The following KAZN variants were observed in gnomAD, a reference collection of about 807,000 sequenced individuals.
KAZN encodes kazrin.
In KAZN, 40 loss-of-function variants were observed where a neutral mutation model predicts 87.4. The ratio of observed to expected loss-of-function variants is 0.46; its 90% confidence interval spans 0.36 to 0.60. The LOEUF (loss-of-function observed/expected upper bound fraction) is 0.60. KAZN is among the 20% of genes least tolerant of loss of function. KAZN has a pLI of 0.00. For synonymous variants in KAZN, 466 were observed against 458.3 expected, an observed-to-expected ratio of 1.02 and a Z score of -0.22; for missense variants, 898 against 1,073.9, an observed-to-expected ratio of 0.84 and a Z score of 2.29.
chr1:14,616,590 C>T (rs961884713), intron 1 of KAZN, among the ~76,000 whole-genome samples: 1 of 152,116 alleles, frequency 6.6e-6, no homozygotes, highest in African/African-American at 2.4e-5. Context: ...CATAAATCAG[C>T]GTCAGCGAAG....
chr1:14,275,066 T>C (rs1652244459), intron 2 of KAZN, among the ~76,000 whole-genome samples: 1 of 152,172 alleles, frequency 6.6e-6, no homozygotes, highest in Admixed American at 6.5e-5. Flanking sequence ...TTTTAAAGAA[T>C]GATTTTTAAA....
rs372049558 is a variant in KAZN, at chr1:15,116,390, G to T, written c.*1755G>T. The T allele has an allele frequency of 5.9e-5, 9 of 152,304 alleles. No individual in the cohort carries two copies. In the East Asian group the frequency reaches 1.3e-3, roughly 23 times the overall value. The allele number at this position is 152,304 out of a possible 1,614,324, so 9.4% of individuals were successfully genotyped here. A position where few individuals can be genotyped will look rare whatever the true frequency, so the allele number is the denominator to read the frequency against. On this transcript the variant is annotated 3_prime_UTR_variant, in exon 15 of 15. Coordinates refer to ENST00000376030, the MANE Select transcript of KAZN (RefSeq NM_201628.3). ...TGTTCCCCCTAATGACATAAACGCA[G>T]CCTTTCTTGCTGTCTGAGACCAAAT... is the stretch of plus-strand genomic sequence containing the variant.
chr1:14,365,294 G>A lies in KAZN; in HGVS notation c.249+184702G>A, dbSNP rs537458292. ...AATCTCCTGACCTCATGATCCGCCC[G>A]CCTCGGCCTCCTAAAGTGCTGGGAT... On this transcript the variant is annotated intron_variant, in intron 2 of 16. Coordinates refer to the KAZN transcript ENST00000636203. Among the ~76,000 whole-genome samples, 25 of 150,612 alleles carry A rather than the reference G, an allele frequency of 1.7e-4. No homozygotes were observed. The South Asian group carries it at 3.2e-3, about 19-fold the overall frequency.
chr1:15,056,058 G>T lies in KAZN; in HGVS notation c.727-33G>T, dbSNP rs1368455380. On this transcript the variant is annotated intron_variant, in intron 4 of 14. Coordinates refer to ENST00000376030, the MANE Select transcript of KAZN (RefSeq NM_201628.3). This position sits in a 1 kb window ranked among gnomAD's most constrained non-coding sequence, Gnocchi z 5.4. ...CTGGCCAAGAGTTCCCCTTGATCAT[G>T]ACTTCTTCTTCCTGTCTTCTTGCTC... is the stretch of plus-strand genomic sequence containing the variant. 1.3e-6 allele frequency: 2 copies of T among 1,576,666 alleles called. No homozygotes were observed. The highest frequency in any genetic ancestry group is 2.3e-5 in the East Asian group (1 of 44,108).
At chr1:14,751,995 C>T (rs188885956) in intron 1 of KAZN, among the ~76,000 whole-genome samples, 4 of 152,280 alleles carry the variant, frequency 2.6e-5, no homozygotes, top group East Asian at 3.9e-4. Context: ...ATGGTGCCAG[C>T]GCTTGCTTCT....
chr1:14,514,389 A>ATATATAT (rs1418412471), intron 2 of KAZN, among the ~76,000 whole-genome samples: 305 of 14,480 alleles, frequency 0.021, 66 homozygotes, highest in African/African-American at 0.087. Context: ...TATATATATT[A>ATATATAT]TATATATTTA....
intron 2 of KAZN, among the ~76,000 whole-genome samples, chr1:14,407,947 GCTA>G (rs1361863123): frequency 2.6e-5 from 4 of 152,022 alleles, no homozygotes; most frequent in Non-Finnish European, 5.9e-5. Context: ...GGTTCTTTAT[GCTA>G]CTTTTATTTA....
intron 2 of KAZN, among the ~76,000 whole-genome samples, chr1:14,412,636 G>A (rs1664399382): frequency 6.6e-6 from 1 of 152,014 alleles, no homozygotes. Context: ...CTAGAGAAAG[G>A]AAGGGCTGGG....
intron 2 of KAZN, among the ~76,000 whole-genome samples, chr1:15,032,245 T>A (rs1671804548): frequency 7.1e-6 from 1 of 141,144 alleles, no homozygotes; most frequent in African/African-American, 2.7e-5. Flanking sequence ...CAGGCTGGAG[T>A]GCAGTGGCGC....
chr1:14,388,090 G>C (rs1449363335), intron 2 of KAZN, among the ~76,000 whole-genome samples: 1 of 152,174 alleles, frequency 6.6e-6, no homozygotes, highest in African/African-American at 2.4e-5. Context: ...GGTGCCGTCT[G>C]TCACCCCTTT....
chr1:14,607,878 A>T (rs1390526094), intron 1 of KAZN, among the ~76,000 whole-genome samples: 3 of 152,220 alleles, frequency 2.0e-5, no homozygotes, highest in African/African-American at 7.2e-5. Flanking sequence ...CAATAAGAGC[A>T]ATAGCCAGTG....
At chr1:14,755,286 G>A (rs566327740) in intron 1 of KAZN, among the ~76,000 whole-genome samples, 134 of 151,966 alleles carry the variant, frequency 8.8e-4, no homozygotes, top group African/African-American at 3.0e-3. Flanking sequence ...GCCTTGCAAG[G>A]TACTATTGCC....
intron 1 of KAZN, among the ~76,000 whole-genome samples, chr1:14,028,164 T>C (rs1056429598): frequency 6.0e-5 from 9 of 150,204 alleles, no homozygotes; most frequent in South Asian, 2.1e-4. Context: ...CTTCAAGCTT[T>C]GGGGTGCAGC....
chr1:14,235,215 T>C (rs1165533696), intron 2 of KAZN, among the ~76,000 whole-genome samples: 1 of 152,206 alleles, frequency 6.6e-6, no homozygotes, highest in Non-Finnish European at 1.5e-5. Flanking sequence ...CAAAATGTGG[T>C]ATAACCACAC....
chr1:15,102,214 A>C (rs1641098054), intron 11 of KAZN, among the ~76,000 whole-genome samples: 1 of 152,192 alleles, frequency 6.6e-6, no homozygotes. Context: ...CACAAAAATT[A>C]AAATAAAAAT....
At chr1:14,777,288 G>A (rs982312683) in intron 1 of KAZN, among the ~76,000 whole-genome samples, 12 of 152,068 alleles carry the variant, frequency 7.9e-5, no homozygotes, top group Admixed American at 5.9e-4. Context: ...GAGCCACCAC[G>A]CCCAGCCCTG....
chr1:14,302,984 C>T (rs1050581784), intron 2 of KAZN, among the ~76,000 whole-genome samples: 1 of 152,152 alleles, frequency 6.6e-6, no homozygotes, highest in South Asian at 2.1e-4. Context: ...TAGCTCACTG[C>T]ATTTTTGTTA....
chr1:13,980,952 G>T (rs1319502024), intron 1 of KAZN, among the ~76,000 whole-genome samples: 1 of 151,532 alleles, frequency 6.6e-6, no homozygotes, highest in Non-Finnish European at 1.5e-5. Flanking sequence ...GCAGTGAAAG[G>T]CTCCTAGAAC....
At chr1:14,475,649 C>T (rs1306547873) in intron 2 of KAZN, among the ~76,000 whole-genome samples, 2 of 152,088 alleles carry the variant, frequency 1.3e-5, no homozygotes, top group African/African-American at 4.8e-5. Flanking sequence ...TTCAGTATTT[C>T]AATTTTTTAA....
Sources: gnomAD v4.1 joint callset for allele counts (sites outside exome capture counted in the v4.1 genomes callset) on GRCh38, gnomAD v4.1.1 for gene constraint, Gnocchi (gnomAD v3.1) non-coding constraint, MANE v1.5 for transcripts, NCBI Gene and HGNC (gene_info 2026-07-23, HGNC 2026-07-21) for gene names.